The following TYW1 variants were observed in gnomAD, a reference collection of about 807,000 sequenced individuals.
TYW1 encodes S-adenosyl-L-methionine-dependent tRNA 4-demethylwyosine synthase TYW1.
In TYW1, 46 loss-of-function variants were observed where a neutral mutation model predicts 96.2. The ratio of observed to expected loss-of-function variants is 0.48; its 90% CI spans 0.38 to 0.61. The LOEUF (loss-of-function observed/expected upper bound fraction) is 0.61, where lower values mean the gene tolerates loss of function less well. Ranked by LOEUF, TYW1 falls within the 20% of genes least tolerant of loss-of-function variation. The pLI is 0.00. For synonymous variants in TYW1, 274 were observed against 323.0 expected (o/e 0.85, Z 1.63); for missense variants, 684 against 909.6 (o/e 0.75, Z 3.19).
At chr7:67,029,434 A>ATATATATAT (rs1251271240) in intron 7 of TYW1, among the ~76,000 whole-genome samples, 10 of 60,384 alleles carry the variant, frequency 1.7e-4, no homozygotes, top group Admixed American at 5.4e-4. Flanking sequence ...TATATATATA[A>ATATATATAT]ATAGTATTTT....
chr7:67,020,704 G>A (rs1234433839), intron 6 of TYW1, among the ~76,000 whole-genome samples: 1 of 152,266 alleles, frequency 6.6e-6, no homozygotes. Context: ...TTCCTCTCCA[G>A]CCTCTAGCTA....
At chr7:67,066,322 C>CTCT (rs1228627671) in intron 9 of TYW1, among the ~76,000 whole-genome samples, 1 of 152,060 alleles carries the variant, frequency 6.6e-6, no homozygotes, top group East Asian at 1.9e-4. Context: ...CTTGTCTTAC[C>CTCT]CAGAGCTCTG....
rs34585182 is a variant in TYW1, at chr7:67,230,652, C to CTTTTTTTTTT, written c.1978-7647_1978-7638dup. On this transcript the variant is annotated intron_variant, in intron 15 of 15. Transcript: ENST00000359626. ...CAACCCACCATTTTGCTTATTATCT[C>CTTTTTTTTTT]TTTTTTTTTTTTTTTTTTGAGGCGG... Among the ~76,000 whole-genome samples, 505 of 119,420 alleles carry CTTTTTTTTTT rather than the reference C, an allele frequency of 4.2e-3. 10 individuals are homozygous for CTTTTTTTTTT. Among genetic ancestry groups the CTTTTTTTTTT allele is most frequent in the African/African-American group, 7.0e-3 (203 of 28,974 alleles). 78.3% of individuals were successfully genotyped at this position (119,420 alleles called of 152,430 possible).
At chr7:67,146,591 A>G (rs532781881) in intron 13 of TYW1, among the ~76,000 whole-genome samples, 4 of 152,364 alleles carry the variant, frequency 2.6e-5, no homozygotes, top group South Asian at 2.1e-4. Context: ...TCATTAAGTG[A>G]AAGGGAATCA....
intron 13 of TYW1, among the ~76,000 whole-genome samples, chr7:67,182,008 T>C (rs892084444): frequency 2.0e-5 from 3 of 152,098 alleles, no homozygotes; most frequent in African/African-American, 7.2e-5. Flanking sequence ...TTTGTATTTT[T>C]AGTAGAGACG....
intron 13 of TYW1, among the ~76,000 whole-genome samples, chr7:67,120,346 G>T (rs1359250082): frequency 1.3e-5 from 2 of 152,196 alleles, no homozygotes; most frequent in Non-Finnish European, 2.9e-5. Flanking sequence ...ACCTCCGAAA[G>T]TGCTGGGATT....
intron 11 of TYW1, among the ~76,000 whole-genome samples, chr7:67,086,572 T>C (rs1461855621): frequency 6.6e-6 from 1 of 152,116 alleles, no homozygotes; most frequent in African/African-American, 2.4e-5. Flanking sequence ...ATCTCATGGG[T>C]TGACTGGGAG....
At chr7:67,079,363 C>T (rs370017712) in intron 10 of TYW1, among the ~76,000 whole-genome samples, 2 of 151,946 alleles carry the variant, frequency 1.3e-5, no homozygotes, top group Non-Finnish European at 2.9e-5. Context: ...GGAATTTCTA[C>T]GTTTCCTCTA....
At chr7:67,148,680 C>T (rs1199380090) in intron 13 of TYW1, among the ~76,000 whole-genome samples, 2 of 152,076 alleles carry the variant, frequency 1.3e-5, no homozygotes, top group African/African-American at 2.4e-5. Context: ...ATCCGCCCAC[C>T]TTGGCCTCCC....
chr7:67,038,716 C>T (rs932132426), intron 7 of TYW1, among the ~76,000 whole-genome samples: 4 of 151,938 alleles, frequency 2.6e-5, no homozygotes, highest in African/African-American at 9.7e-5. Flanking sequence ...CCAACCTGGC[C>T]AACATGGCGA....
intron 9 of TYW1, among the ~76,000 whole-genome samples, chr7:67,066,383 C>T (rs1795869935): frequency 6.6e-6 from 1 of 152,170 alleles, no homozygotes. Context: ...GATTCCAACC[C>T]TGGTTGATCT....
At chr7:67,193,298 G>A (rs1013806934) in intron 14 of TYW1, among the ~76,000 whole-genome samples, 2 of 152,114 alleles carry the variant, frequency 1.3e-5, no homozygotes, top group African/African-American at 4.8e-5. Context: ...AATTAAGCTG[G>A]GTGGCTGTGG....
intron 13 of TYW1, among the ~76,000 whole-genome samples, chr7:67,132,851 T>G (rs1563030786): frequency 6.6e-6 from 1 of 152,230 alleles, no homozygotes; most frequent in African/African-American, 2.4e-5. Context: ...TATTCCCCGA[T>G]GTAGGAGAAA....
intron 15 of TYW1, among the ~76,000 whole-genome samples, chr7:67,229,881 A>G (rs1801692273): frequency 6.6e-6 from 1 of 152,176 alleles, no homozygotes; most frequent in South Asian, 2.1e-4. Flanking sequence ...GAGCCGAAGA[A>G]GTTGAGGCTT....
rs1487368574 is a variant in TYW1 at position 67,114,980 on chromosome 7, T to TAAG, written c.1563-2503_1563-2502insAAG. On this transcript the variant is annotated intron_variant, in intron 12 of 15. Coordinates refer to ENST00000359626, the MANE Select transcript of TYW1 (RefSeq NM_018264.4). ...ATTGACTAGAATTCCTTATTGGACT[T>TAAG]CCTTGAGTGTAGCATCTCAGACATC... Among the ~76,000 whole-genome samples the TAAG allele has an allele frequency of 2.0e-5, 3 of 152,288 alleles. No individual in the cohort carries two copies. In the East Asian group the frequency reaches 5.8e-4, roughly 29 times the overall value.
chr7:67,066,029 ACACC>A (rs113972967), intron 9 of TYW1, among the ~76,000 whole-genome samples: 19,472 of 118,502 alleles, frequency 0.16, 1,312 homozygotes, highest in African/African-American at 0.24. Flanking sequence ...ACACACACAC[ACACC>A]CACACCCCTA....
At chr7:67,141,888 A>T (rs2116116054) in intron 13 of TYW1, among the ~76,000 whole-genome samples, 1 of 152,264 alleles carries the variant, frequency 6.6e-6, no homozygotes, top group African/African-American at 2.4e-5. Flanking sequence ...ATACAAAATT[A>T]GCTGGGCGTG....
chr7:67,107,261 G>T lies in TYW1; in HGVS notation c.1562+8543G>T, dbSNP rs534192030. The stretch of plus-strand genomic sequence containing the variant: ...TCTTGCAATAGAAGTAAATACTGCC[G>T]CCTGAGTCTTTCAATAGAAGTTTCA... On this transcript the variant is annotated intron_variant, in intron 12 of 15. Coordinates refer to ENST00000359626, the MANE Select transcript of TYW1 (RefSeq NM_018264.4). 2.6e-5 allele frequency among the ~76,000 whole-genome samples: 4 copies of T among 152,144 alleles called. 1 individual carries two copies. The highest frequency in any genetic ancestry group is 9.7e-5 in the African/African-American group (4 of 41,422).
At chr7:67,193,987 T>G (rs1800310046) in intron 14 of TYW1, among the ~76,000 whole-genome samples, 1 of 152,082 alleles carries the variant, frequency 6.6e-6, no homozygotes, top group African/African-American at 2.4e-5. Context: ...AAAGTTTGAT[T>G]TGTGGGTATT....
Sources: allele counts gnomAD v4.1 joint callset (sites outside exome capture counted in the v4.1 genomes callset), GRCh38; gene constraint gnomAD v4.1.1; transcripts MANE v1.5; gene names NCBI Gene and HGNC (gene_info 2026-07-23, HGNC 2026-07-21).